KCNIP4: variants seen among roughly 807,000 people sequenced by gnomAD.
KCNIP4 encodes potassium voltage-gated channel interacting protein 4.
A neutral mutation model predicts 34.0 loss-of-function variants in KCNIP4; 12 were observed. The observed-to-expected ratio is 0.35, with a 90% CI of 0.23 to 0.57. The LOEUF (loss-of-function observed/expected upper bound fraction) is 0.57, where lower values mean the gene tolerates loss of function less well. KCNIP4 is among the 20% of genes least tolerant of loss of function. The probability of loss-of-function intolerance (pLI) is 0.83; values close to 1 mark genes in which losing one functional copy is unlikely to be tolerated. For missense variants in KCNIP4, 238 were observed against 311.7 expected (o/e 0.76, Z 1.78); for synonymous variants, 124 against 102.2 (o/e 1.21, Z -1.29).
At chr4:20,797,980 T>C (rs1206106868) in intron 3 of KCNIP4, among the ~76,000 whole-genome samples, 2 of 152,192 alleles carry the variant, frequency 1.3e-5, no homozygotes, top group African/African-American at 4.8e-5. Flanking sequence ...GTTTTTAGCC[T>C]CTAAGTTGGT....
intron 1 of KCNIP4, among the ~76,000 whole-genome samples, chr4:21,794,637 C>T (rs138622844): frequency 6.7e-4 from 102 of 152,282 alleles, no homozygotes; most frequent in African/African-American, 2.3e-3. Context: ...TGCCTGTAAT[C>T]CCAGCACTTT....
intron 1 of KCNIP4, among the ~76,000 whole-genome samples, chr4:21,433,739 T>C (rs1204064073): frequency 6.6e-6 from 1 of 152,310 alleles, no homozygotes; most frequent in East Asian, 1.9e-4. Flanking sequence ...TATCCTCTGC[T>C]ATAGCCAATT....
chr4:20,869,764 T>C (rs886305537), intron 2 of KCNIP4, among the ~76,000 whole-genome samples: 1 of 152,150 alleles, frequency 6.6e-6, no homozygotes, highest in Admixed American at 6.6e-5. Context: ...AATTATTGCA[T>C]ACATACTAAT....
chr4:21,611,611 A>C (rs975876374), intron 1 of KCNIP4, among the ~76,000 whole-genome samples: 12 of 151,998 alleles, frequency 7.9e-5, no homozygotes, highest in Admixed American at 3.3e-4. Context: ...TATCCACTCT[A>C]TCTCTTCACC....
chr4:21,765,819 G>GAAAAAAA (rs374486594), intron 1 of KCNIP4, among the ~76,000 whole-genome samples: 9 of 95,124 alleles, frequency 9.5e-5, no homozygotes, highest in East Asian at 4.0e-4. Context: ...ACCAGGCCGT[G>GAAAAAAA]AAAAAAAAAA....
chr4:21,541,008 T>C (rs1737639059), intron 1 of KCNIP4, among the ~76,000 whole-genome samples: 1 of 151,722 alleles, frequency 6.6e-6, no homozygotes, highest in Non-Finnish European at 1.5e-5. Flanking sequence ...TCATCTCTAC[T>C]AAAAATACAA....
intron 1 of KCNIP4, among the ~76,000 whole-genome samples, chr4:20,941,828 AT>A (rs1201807483): frequency 6.6e-6 from 1 of 152,242 alleles, no homozygotes; most frequent in African/African-American, 2.4e-5. Context: ...AAATATTACA[AT>A]AAATTTTCAT....
chr4:20,747,970 T>A (rs1360156033), intron 5 of KCNIP4, among the ~76,000 whole-genome samples: 1 of 152,234 alleles, frequency 6.6e-6, no homozygotes, highest in African/African-American at 2.4e-5. Context: ...CAATTTTGTT[T>A]TAATTTCTTT....
intron 1 of KCNIP4, among the ~76,000 whole-genome samples, chr4:21,367,336 C>T (rs1293651746): frequency 6.6e-6 from 1 of 152,112 alleles, no homozygotes; most frequent in East Asian, 1.9e-4. Context: ...TCTGATTTGT[C>T]TTACTTCTAC....
intron 1 of KCNIP4, among the ~76,000 whole-genome samples, chr4:21,282,245 T>C (rs916071079): frequency 3.9e-5 from 6 of 152,228 alleles, no homozygotes; most frequent in African/African-American, 1.4e-4. Flanking sequence ...CGTTAATTCA[T>C]TTAACTTACA....
chr4:21,504,812 C>T (rs964677161), intron 1 of KCNIP4, among the ~76,000 whole-genome samples: 2 of 152,282 alleles, frequency 1.3e-5, no homozygotes, highest in Middle Eastern at 3.4e-3. Context: ...TAATTAGCTT[C>T]AGTCAGCCTA....
intron 1 of KCNIP4, among the ~76,000 whole-genome samples, chr4:21,558,318 C>A (rs1039348195): frequency 2.6e-5 from 4 of 151,916 alleles, no homozygotes; most frequent in African/African-American, 9.7e-5. Flanking sequence ...ATGGTGAAAC[C>A]CTGTCTCTAC....
chr4:21,259,885 CTGTGTGTGTGTG>C (rs4054880), intron 1 of KCNIP4, among the ~76,000 whole-genome samples: 48 of 146,018 alleles, frequency 3.3e-4, no homozygotes, highest in African/African-American at 1.1e-3. Flanking sequence ...GCGCCCAAGA[CTGTGTGTGTGTG>C]TGTGTGTGTG....
intron 1 of KCNIP4, among the ~76,000 whole-genome samples, chr4:21,298,629 T>C (rs1030411153): frequency 6.6e-6 from 1 of 152,168 alleles, no homozygotes; most frequent in Non-Finnish European, 1.5e-5. Flanking sequence ...CTGTCTATTT[T>C]CTTTTCAAAT....
At chr4:20,769,384 A>C (rs909506009) in intron 3 of KCNIP4, among the ~76,000 whole-genome samples, 1 of 152,180 alleles carries the variant, frequency 6.6e-6, no homozygotes, top group Non-Finnish European at 1.5e-5. Flanking sequence ...AGTGGAATGC[A>C]TGTAGAATTG....
rs1217652597 is a variant in KCNIP4, at chr4:21,236,255, C to CA, written c.62-353547dup. Reference sequence around the variant, plus strand: ...TTTAAAGATCTTATAAGAAGCAACCCAAAATAGGCATATATAAATAATATA... The same window carrying CA: ...TTTAAAGATCTTATAAGAAGCAACCCAAAAATAGGCATATATAAATAATATA... On this transcript the variant is annotated intron_variant, in intron 1 of 8. Transcript: ENST00000382152. Among the ~76,000 whole-genome samples the CA allele has an allele frequency of 3.3e-5, 5 of 152,146 alleles. No homozygotes were observed. In the East Asian group the frequency reaches 9.7e-4, roughly 29 times the overall value.
chr4:21,569,262 A>AAAAAAAAAAAAAAAAAAAAC (rs1740168813), intron 1 of KCNIP4, among the ~76,000 whole-genome samples: 1 of 134,778 alleles, frequency 7.4e-6, no homozygotes, highest in Admixed American at 7.6e-5. Flanking sequence ...AAAAAAAAAA[A>AAAAAAAAAAAAAAAAAAAAC]AAAGCTTGAT....
intron 1 of KCNIP4, among the ~76,000 whole-genome samples, chr4:21,615,793 C>A (rs1244810456): frequency 5.3e-5 from 8 of 152,174 alleles, no homozygotes; most frequent in Non-Finnish European, 1.5e-5. Context: ...TCACACCCCA[C>A]ATCCAATTTT....
chr4:20,808,467 G>T (rs146888560), intron 3 of KCNIP4, among the ~76,000 whole-genome samples: 392 of 152,272 alleles, frequency 2.6e-3, no homozygotes, highest in Middle Eastern at 6.8e-3. Flanking sequence ...GGATTGATAA[G>T]TAGATTCATC....
Sources: allele counts gnomAD v4.1 joint callset (sites outside exome capture counted in the v4.1 genomes callset), GRCh38; gene constraint gnomAD v4.1.1; transcripts MANE v1.5; gene names NCBI Gene and HGNC (gene_info 2026-07-23, HGNC 2026-07-21).